The following RGS6 variants were observed in gnomAD, a reference collection of about 807,000 sequenced individuals.
RGS6 encodes the protein regulator of G protein signaling 6, also known as regulator of G-protein signaling 6.
In RGS6, 30 loss-of-function variants were observed where a neutral mutation model predicts 78.5. The ratio of observed to expected loss-of-function variants is 0.38; its 90% CI spans 0.29 to 0.52. The LOEUF is 0.52. RGS6 is among the 20% of genes least tolerant of loss of function. The pLI is 0.85. For synonymous variants in RGS6, 206 were observed against 206.0 expected, an observed-to-expected ratio of 1.00 and a Z score of 0.00; for missense variants, 495 against 609.7, an observed-to-expected ratio of 0.81 and a Z score of 1.98.
intron 2 of RGS6, among the ~76,000 whole-genome samples, chr14:72,000,517 T>A (rs1201807014): frequency 2.0e-5 from 3 of 151,926 alleles, no homozygotes; most frequent in Non-Finnish European, 2.9e-5. Flanking sequence ...CCCATACAGG[T>A]GGATAGAGAG....
downstream of RGS6, among the ~76,000 whole-genome samples, chr14:72,567,232 C>T (rs2097714394): frequency 6.6e-6 from 1 of 152,176 alleles, no homozygotes; most frequent in South Asian, 2.1e-4. Flanking sequence ...CTGGGCCACC[C>T]CCTTGTGCAG....
At chr14:72,155,674 C>T (rs1178288165) in intron 2 of RGS6, among the ~76,000 whole-genome samples, 2 of 152,206 alleles carry the variant, frequency 1.3e-5, no homozygotes, top group African/African-American at 4.8e-5. Flanking sequence ...CACTGTAAGC[C>T]ATTTTTAAAA....
chr14:72,146,058 A>C (rs1365719131), intron 2 of RGS6, among the ~76,000 whole-genome samples: 1 of 152,174 alleles, frequency 6.6e-6, no homozygotes, highest in East Asian at 1.9e-4. Flanking sequence ...ATGGGCTGTC[A>C]TTTGGCAAGA....
the RGS6 span, among the ~76,000 whole-genome samples, chr14:72,608,878 G>A: frequency 3.3e-5 from 5 of 152,002 alleles, no homozygotes; most frequent in Admixed American, 6.5e-5. Context: ...TGATGCACAC[G>A]CATGCGTGTT....
chr14:72,069,353 T>A (rs1329783430), intron 2 of RGS6, among the ~76,000 whole-genome samples: 1 of 152,204 alleles, frequency 6.6e-6, no homozygotes, highest in Non-Finnish European at 1.5e-5. Context: ...TTCTCTCTTT[T>A]AGCAGTAATC....
At chr14:71,880,626 A>G in the RGS6 span, among the ~76,000 whole-genome samples, 2 of 152,222 alleles carry the variant, frequency 1.3e-5, no homozygotes, top group African/African-American at 4.8e-5. Flanking sequence ...TCCATGTGAT[A>G]TTGAGACTGT....
intron 2 of RGS6, among the ~76,000 whole-genome samples, chr14:72,051,671 A>G (rs2093255521): frequency 6.6e-6 from 1 of 152,184 alleles, no homozygotes; most frequent in Non-Finnish European, 1.5e-5. Flanking sequence ...AGAAGGAAGG[A>G]AAAGTTTTAT....
chr14:71,897,423 G>A, the RGS6 span, among the ~76,000 whole-genome samples: 1 of 152,198 alleles, frequency 6.6e-6, no homozygotes, highest in Non-Finnish European at 1.5e-5. Context: ...GTGCTGTGGA[G>A]GGCTAGGAAC....
intron 2 of RGS6, among the ~76,000 whole-genome samples, chr14:72,185,036 C>A (rs1405495085): frequency 6.6e-6 from 1 of 152,164 alleles, no homozygotes; most frequent in Non-Finnish European, 1.5e-5. Flanking sequence ...GGCCCAAGAG[C>A]CCCTGGCAAA....
intron 2 of RGS6, among the ~76,000 whole-genome samples, chr14:72,230,583 C>T (rs1018649935): frequency 5.3e-5 from 8 of 152,070 alleles, no homozygotes; most frequent in African/African-American, 1.7e-4. Context: ...TGCGTACGTA[C>T]ACACACACAG....
At chr14:72,117,444 A>C (rs1597861301) in intron 2 of RGS6, among the ~76,000 whole-genome samples, 4 of 148,180 alleles carry the variant, frequency 2.7e-5, no homozygotes, top group African/African-American at 5.0e-5. Context: ...CCCACCCTTC[A>C]CCTTTCACCA....
intron 2 of RGS6, among the ~76,000 whole-genome samples, chr14:72,091,945 A>G (rs939135429): frequency 6.6e-6 from 1 of 152,228 alleles, no homozygotes; most frequent in Non-Finnish European, 1.5e-5. Flanking sequence ...CTTGGGCTGT[A>G]TTACCTTCCT....
chr14:72,108,925 T>C (rs2153541597), intron 2 of RGS6, among the ~76,000 whole-genome samples: 1 of 152,286 alleles, frequency 6.6e-6, no homozygotes, highest in African/African-American at 2.4e-5. Context: ...TTTTCCTCTT[T>C]TATCCTTAAG....
chr14:71,875,683 C>T, the RGS6 span, among the ~76,000 whole-genome samples: 2 of 152,132 alleles, frequency 1.3e-5, no homozygotes, highest in Non-Finnish European at 2.9e-5. Context: ...TTGCCTTCTG[C>T]TAGCTTTTGA....
intron 2 of RGS6, among the ~76,000 whole-genome samples, chr14:72,299,859 G>T (rs77882510): frequency 0.063 from 9,578 of 152,116 alleles, 413 homozygotes; most frequent in Middle Eastern, 0.16. Context: ...TCACTTTCCT[G>T]ATATCAGTAA....
At chr14:72,470,200 G>A in intron 8 of RGS6, 117 bp downstream of exon 8, 1 of 724,138 alleles carries the variant, frequency 1.4e-6, no homozygotes, top group Non-Finnish European at 2.4e-6. Flanking sequence ...TTCTAATAGG[G>A]CCTGAGAGCA....
chr14:72,125,111 C>A (rs1293721895), intron 2 of RGS6, among the ~76,000 whole-genome samples: 1 of 152,232 alleles, frequency 6.6e-6, no homozygotes, highest in Non-Finnish European at 1.5e-5. Flanking sequence ...TCCAACCTTT[C>A]TTTCCAGGGG....
chr14:72,114,490 A>G (rs1422434489), intron 2 of RGS6, among the ~76,000 whole-genome samples: 2 of 152,210 alleles, frequency 1.3e-5, no homozygotes, highest in Admixed American at 6.5e-5. Flanking sequence ...TGCTAAGGTC[A>G]TTGAATGCTG....
chr14:72,455,528 C>T (rs77684763), intron 4 of RGS6, among the ~76,000 whole-genome samples: 5 of 152,308 alleles, frequency 3.3e-5, no homozygotes, highest in African/African-American at 1.2e-4. Context: ...AATACAGTTT[C>T]TATGCAGTTC....
Sources: gnomAD v4.1 joint callset for allele counts (sites outside exome capture counted in the v4.1 genomes callset) on GRCh38, gnomAD v4.1.1 for gene constraint, MANE v1.5 for transcripts, NCBI Gene and HGNC (gene_info 2026-07-23, HGNC 2026-07-21) for gene names.